The following PIK3C3 variants were observed in gnomAD, a reference collection of about 807,000 sequenced individuals.
The protein encoded by PIK3C3 is PI3-kinase type 3.
PIK3C3 carries 95 observed loss-of-function variants against 126.1 expected under a neutral mutation model. The ratio of observed to expected loss-of-function variants is 0.75; its 90% CI spans 0.64 to 0.89. PIK3C3 has a LOEUF of 0.89. PIK3C3 is among the 40% of genes least tolerant of loss of function. PIK3C3 has a pLI of 0.00. For missense variants in PIK3C3, 829 were observed against 1,063.2 expected (o/e 0.78, Z 3.06); for synonymous variants, 374 against 360.0 (o/e 1.04, Z -0.44).
chr18:41,985,239 A>T (rs1423480533), intron 4 of PIK3C3: 1 of 152,230 alleles, frequency 6.6e-6, no homozygotes, highest in Non-Finnish European at 1.5e-5. Flanking sequence ...CAAAAAAAAG[A>T]TAATGAGAAA....
intron 3 of PIK3C3, among the ~76,000 whole-genome samples, chr18:41,967,428 A>G (rs1037800621): frequency 5.9e-5 from 9 of 152,172 alleles, no homozygotes; most frequent in Admixed American, 6.5e-5. Flanking sequence ...TATGCAGTGA[A>G]ATAACACCAA....
chr18:41,984,444 T>A (rs1186916582), intron 4 of PIK3C3, among the ~76,000 whole-genome samples: 2 of 152,002 alleles, frequency 1.3e-5, no homozygotes, highest in Non-Finnish European at 2.9e-5. Flanking sequence ...TATAGTTTTA[T>A]AAAATTAATA....
chr18:42,043,442 C>T (rs1190264144), intron 19 of PIK3C3, among the ~76,000 whole-genome samples: 1 of 151,988 alleles, frequency 6.6e-6, no homozygotes, highest in African/African-American at 2.4e-5. Context: ...AGATAATATG[C>T]TCTGTGGTTT....
intron 9 of PIK3C3, 59 bp from the exon 10 acceptor site, chr18:42,004,297 C>T: frequency 7.4e-7 from 1 of 1,355,224 alleles, no homozygotes. Flanking sequence ...TCTGCCTAGT[C>T]AACTTCTCTA....
intron 22 of PIK3C3, among the ~76,000 whole-genome samples, chr18:42,059,021 A>G (rs1985197403): frequency 6.6e-6 from 1 of 152,192 alleles, no homozygotes; most frequent in Non-Finnish European, 1.5e-5. Context: ...TGTTTAGTAC[A>G]TAGGCACTCA....
At chr18:42,019,272 C>G (rs1277409438) in intron 12 of PIK3C3, among the ~76,000 whole-genome samples, 1 of 152,104 alleles carries the variant, frequency 6.6e-6, no homozygotes, top group Non-Finnish European at 1.5e-5. Context: ...AAAAACAAAA[C>G]TGTCCCTTGA....
intron 21 of PIK3C3, chr18:42,051,390 T>C (rs192571130): frequency 5.9e-5 from 9 of 152,320 alleles, no homozygotes; most frequent in Admixed American, 5.9e-4. Context: ...ACTCTTTAAA[T>C]TGGTCTCTCA....
At chr18:42,038,696 A>G (rs1247184137) in intron 17 of PIK3C3, 85 bp from the exon 18 acceptor site, 5 of 806,752 alleles carry the variant, frequency 6.2e-6, no homozygotes, top group South Asian at 1.6e-5. Context: ...TCTTTATTAC[A>G]TTAAACTGCT....
chr18:42,004,416 T>C lies in PIK3C3; in HGVS notation c.1045T>C (p.Leu349=). 1 of 1,613,842 alleles carries C rather than the reference T, an allele frequency of 6.2e-7. No homozygotes were observed. Among genetic ancestry groups the C allele is most frequent in the Non-Finnish European group, 8.5e-7 (1 of 1,179,872 alleles). The stretch of plus-strand genomic sequence containing the variant: ...TCTACCTCAAGAGGCCAAACAGGCC[T>C]TGGAACTTCTGGGAAAATGGAAGCC... ...WDLPQEAKQA[L]ELLGKWKPMD... Residue 349 remains leucine, a synonymous_variant, in exon 10 of 25, where the codon TTG becomes CTG. Coordinates refer to ENST00000262039, the MANE Select transcript of PIK3C3 (RefSeq NM_002647.4).
chr18:42,079,994 A>AGT (rs1434923121), intron 24 of PIK3C3, among the ~76,000 whole-genome samples: 1 of 136,284 alleles, frequency 7.3e-6, no homozygotes, highest in Non-Finnish European at 1.5e-5. Flanking sequence ...TATGTAAGAG[A>AGT]GAGAGTGTGT....
intron 2 of PIK3C3, among the ~76,000 whole-genome samples, chr18:41,961,312 A>G (rs1425037317): frequency 6.6e-6 from 1 of 152,218 alleles, no homozygotes; most frequent in Non-Finnish European, 1.5e-5. Context: ...TTCATTGGCA[A>G]AAGTTGGCAC....
In PIK3C3 at chr18:41,962,560, T is replaced by C; in HGVS notation, c.329T>C (p.Ile110Thr). The C allele has an allele frequency of 6.2e-7, 1 of 1,613,734 alleles. No homozygotes were observed. Among genetic ancestry groups the C allele is most frequent in the Non-Finnish European group, 8.5e-7 (1 of 1,179,702 alleles). Reference protein sequence around the residue: ...LPRNAQVALTIWDVYGPGKAV... With the variant: ...LPRNAQVALTTWDVYGPGKAV... ...AGGAATGCCCAAGTGGCCCTCACCATATGGGATGTGTATGGTCCCGGAAAA... is the reference window on the plus strand; with the variant it reads ...AGGAATGCCCAAGTGGCCCTCACCACATGGGATGTGTATGGTCCCGGAAAA... The change falls in exon 3 of 25, where the codon ATA becomes ACA. Residue 110 changes from isoleucine (I) to threonine (T), a missense_variant. Physicochemically the swap from Ile to Thr is moderately conservative, Grantham distance 89. Coordinates refer to ENST00000262039, the MANE Select transcript of PIK3C3 (RefSeq NM_002647.4).
intron 13 of PIK3C3, chr18:42,027,156 C>T (rs1983605939): frequency 4.9e-6 from 1 of 203,362 alleles, no homozygotes; most frequent in South Asian, 8.1e-5. Context: ...TAATACTCTA[C>T]CTCATAAATA....
intron 1 of PIK3C3, 80 bp downstream of exon 1, chr18:41,955,439 C>T (rs1042544741): frequency 2.5e-6 from 3 of 1,223,828 alleles, no homozygotes; most frequent in Non-Finnish European, 3.6e-6. Context: ...GAGTGAGAGG[C>T]AGAAAGTACG....
chr18:42,055,620 G>A (rs547837057), intron 21 of PIK3C3, among the ~76,000 whole-genome samples: 1 of 152,182 alleles, frequency 6.6e-6, no homozygotes, highest in Admixed American at 6.6e-5. Flanking sequence ...AAACTCACTG[G>A]AGTAGGATGT....
intron 4 of PIK3C3, among the ~76,000 whole-genome samples, chr18:41,986,963 A>G (rs922383977): frequency 6.6e-6 from 1 of 152,058 alleles, no homozygotes; most frequent in Admixed American, 6.6e-5. Flanking sequence ...TAATTCTGCA[A>G]GAGAGATGAA....
intron 11 of PIK3C3, among the ~76,000 whole-genome samples, chr18:42,014,167 C>T (rs576185128): frequency 7.8e-6 from 1 of 128,626 alleles, no homozygotes; most frequent in Non-Finnish European, 1.5e-5. Context: ...GAGATTGCAC[C>T]AGTGCGCTCC....
rs1433123318 is a variant in PIK3C3 at position 42,087,568 on chromosome 18, CTT to C, written c.*6433_*6434del. 1 of 152,134 alleles carries C rather than the reference CTT, an allele frequency of 6.6e-6. No homozygotes were observed. 9.4% of individuals were successfully genotyped at this position (152,134 alleles called of 1,614,324 possible). On this transcript the variant is annotated 3_prime_UTR_variant, in exon 25 of 25. Transcript: ENST00000262039. ...CTGCAGCTCAACTTTACAGGCTGCT[CTT>C]TGTTAGCAAATGATTTGGAGCTTCT... is the stretch of plus-strand genomic sequence containing the variant.
chr18:41,992,502 T>C (rs532757964), intron 6 of PIK3C3, among the ~76,000 whole-genome samples: 2 of 152,326 alleles, frequency 1.3e-5, no homozygotes, highest in Admixed American at 1.3e-4. Context: ...AAAAGCTTGA[T>C]GCTAAATATA....
Sources: gnomAD v4.1 joint callset for allele counts (sites outside exome capture counted in the v4.1 genomes callset) on GRCh38, gnomAD v4.1.1 for gene constraint, MANE v1.5 for transcripts, NCBI Gene and HGNC (gene_info 2026-07-23, HGNC 2026-07-21) for gene names.